CBX7: variants seen among roughly 807,000 people sequenced by gnomAD.
The protein encoded by CBX7 is chromobox protein homolog 7.
Under a neutral mutation model 31.4 loss-of-function variants are expected in CBX7, and 14 were observed. The observed-to-expected ratio is 0.45, with a 90% CI of 0.29 to 0.70. CBX7 has a LOEUF of 0.70. CBX7 is among the 30% of genes least tolerant of loss of function. The pLI is 0.11. For synonymous variants in CBX7, 159 were observed against 152.6 expected (o/e 1.04, Z -0.31); for missense variants, 269 against 351.9 (o/e 0.76, Z 1.89).
Position 39,133,546 on chromosome 22 carries a change from A to G in CBX7, c.*345T>C. Reference sequence around the variant, plus strand: ...AGGCTGGGGTGGCCACTCAAGGGAGAGGGTTTGGGCCTTCCAATGCTCCTT... The same window carrying G: ...AGGCTGGGGTGGCCACTCAAGGGAGGGGGTTTGGGCCTTCCAATGCTCCTT... On this transcript the variant is annotated 3_prime_UTR_variant, in exon 6 of 6. Coordinates refer to ENST00000216133, the MANE Select transcript of CBX7 (RefSeq NM_175709.5). 5.5e-6 allele frequency: 1 copy of G among 181,484 alleles called. No homozygotes were observed. Among genetic ancestry groups the G allele is most frequent in the Non-Finnish European group, 1.1e-5 (1 of 87,622 alleles). The allele number at this position is 181,484 out of a possible 1,614,324, so 11.2% of individuals were successfully genotyped here.
chr22:39,137,265 G>A (rs1289000005), intron 4 of CBX7, among the ~76,000 whole-genome samples: 2 of 143,678 alleles, frequency 1.4e-5, no homozygotes, highest in African/African-American at 2.6e-5. Flanking sequence ...CTGCTCCAAT[G>A]AACACTTCCT....
At chr22:39,141,289 C>T (rs1930446029) in intron 3 of CBX7, 82 bp downstream of exon 3, 1 of 1,293,146 alleles carries the variant, frequency 7.7e-7, no homozygotes, top group East Asian at 2.4e-5. Flanking sequence ...GCCCCAACAA[C>T]CCCTGCCAAG....
intron 2 of CBX7, among the ~76,000 whole-genome samples, chr22:39,144,191 AACAC>A (rs1432113968): frequency 1.3e-5 from 2 of 152,154 alleles, no homozygotes; most frequent in African/African-American, 4.8e-5. Context: ...TGCTTCCTCT[AACAC>A]TCTGGCACAC....
At chr22:39,137,497 C>T (rs531333250) in intron 4 of CBX7, among the ~76,000 whole-genome samples, 2 of 152,130 alleles carry the variant, frequency 1.3e-5, no homozygotes, top group East Asian at 3.9e-4. Flanking sequence ...TACAGGTGCC[C>T]GCCACCATCC....
rs139502152 is a variant in CBX7, at chr22:39,149,878, T to G, written c.70-46A>C. 2.6e-6 allele frequency: 4 copies of G among 1,538,282 alleles called. No individual in the cohort carries two copies. The Admixed American group carries it at 6.7e-5, about 26-fold the overall frequency. The stretch of plus-strand genomic sequence containing the variant: ...ACACAGTGAGTCTCGTGGTTGCCCC[T>G]ACAGCCACTCGGAAGGACAGTTAAG... On this transcript the variant is annotated intron_variant, in intron 1 of 5. Coordinates refer to ENST00000216133, the MANE Select transcript of CBX7 (RefSeq NM_175709.5).
At chr22:39,144,675 T>C (rs1405132837) in intron 2 of CBX7, among the ~76,000 whole-genome samples, 1 of 152,202 alleles carries the variant, frequency 6.6e-6, no homozygotes, top group African/African-American at 2.4e-5. Flanking sequence ...AATTTCGTGC[T>C]CCTCTCTCCA....
intron 2 of CBX7, among the ~76,000 whole-genome samples, chr22:39,144,501 A>T (rs758224603): frequency 6.6e-6 from 1 of 152,194 alleles, no homozygotes; most frequent in Non-Finnish European, 1.5e-5. Flanking sequence ...GCCACCGCAA[A>T]GTGGCCCGCT....
intron 2 of CBX7, chr22:39,147,570 C>T (rs991041097): frequency 7.1e-6 from 1 of 140,400 alleles, no homozygotes; most frequent in African/African-American, 2.6e-5. Flanking sequence ...CAAGCAGGGC[C>T]CCCGAGGAGG....
At chr22:39,139,702 C>CAAAAA (rs67244690) in intron 3 of CBX7, among the ~76,000 whole-genome samples, 20 of 31,736 alleles carry the variant, frequency 6.3e-4, no homozygotes, top group African/African-American at 1.5e-3. Context: ...GACTCCATCT[C>CAAAAA]AAAAAAAAAA....
At chr22:39,144,233 C>G (rs1435680272) in intron 2 of CBX7, among the ~76,000 whole-genome samples, 1 of 152,206 alleles carries the variant, frequency 6.6e-6, no homozygotes, top group Non-Finnish European at 1.5e-5. Context: ...TCTATGGGCT[C>G]GCAGTGAAGC....
At chr22:39,146,789 C>T (rs551253293) in intron 2 of CBX7, among the ~76,000 whole-genome samples, 3 of 152,312 alleles carry the variant, frequency 2.0e-5, no homozygotes, top group Admixed American at 6.5e-5. Flanking sequence ...CTCCATAGGG[C>T]CACTCCTTCC....
intron 3 of CBX7, chr22:39,141,146 G>T (rs960991898): frequency 5.8e-6 from 3 of 516,950 alleles, no homozygotes; most frequent in African/African-American, 4.0e-5. Flanking sequence ...GCCCGGGTGG[G>T]TAAAGGAAGT....
chr22:39,149,969 C>G, intron 1 of CBX7, 137 bp from the exon 2 acceptor site: 1 of 723,144 alleles, frequency 1.4e-6, no homozygotes, highest in Non-Finnish European at 2.5e-6. Flanking sequence ...CAAACACAAT[C>G]CGGGGACTGT....
chr22:39,148,209 G>C (rs1177259160), intron 2 of CBX7: 2 of 152,302 alleles, frequency 1.3e-5, no homozygotes, highest in Non-Finnish European at 2.9e-5. Flanking sequence ...CCCCAGGCTA[G>C]GGGCACAGCG....
intron 4 of CBX7, chr22:39,135,351 G>A (rs919388799): frequency 7.9e-5 from 12 of 152,444 alleles, no homozygotes; most frequent in African/African-American, 1.7e-4. Flanking sequence ...CTGATTGCCC[G>A]CGACACATCT....
chr22:39,142,805 G>A (rs1402802148), intron 2 of CBX7, among the ~76,000 whole-genome samples: 1 of 151,994 alleles, frequency 6.6e-6, no homozygotes, highest in Non-Finnish European at 1.5e-5. Context: ...GTGACGGCCT[G>A]CGCATGTAAT....
chr22:39,133,961 G>C lies in CBX7; in HGVS notation c.686C>G (p.Ser229Cys). 1.2e-6 allele frequency: 2 copies of C among 1,614,022 alleles called. No individual in the cohort carries two copies. The highest frequency in any genetic ancestry group is 1.7e-6 in the Non-Finnish European group (2 of 1,179,932). ...GGCCTCGCGGAAGGTGACGGTGATG[G>C]AGTTGGCGGTGATGTCGGTCACGGT... is the stretch of plus-strand genomic sequence containing the variant. ...EVTVTDITAN[S>C]ITVTFREAQA... The change falls in exon 6 of 6, where the codon TCC becomes TGC. Residue 229 changes from serine to cysteine, a missense_variant. Around this residue, in one of 2 missense-constraint regions of CBX7, gnomAD observed 222 missense variants for 240.4 expected, o/e 0.92. Transcript: ENST00000216133.
At position 39,132,366 on chromosome 22, in the gene CBX7, T is replaced by A. The variant is rs1930074242; in HGVS notation, c.*1525A>T. 6.6e-6 allele frequency: 1 copy of A among 152,306 alleles called. No individual in the cohort carries two copies. The highest frequency in any genetic ancestry group is 2.4e-5 in the African/African-American group (1 of 41,440). The allele number at this position is 152,306 out of a possible 1,614,324, so 9.4% of individuals were successfully genotyped here. On this transcript the variant is annotated 3_prime_UTR_variant, in exon 6 of 6. Transcript: ENST00000216133. Reference sequence around the variant, plus strand: ...GCCGCACTCCACTCTTGGTGTGTGTTACCCTGACTCTGACAGCCAAGGAAA... The same window carrying A: ...GCCGCACTCCACTCTTGGTGTGTGTAACCCTGACTCTGACAGCCAAGGAAA...
At chr22:39,144,146 CA>C (rs1197687568) in intron 2 of CBX7, among the ~76,000 whole-genome samples, 6 of 152,174 alleles carry the variant, frequency 3.9e-5, no homozygotes, top group Admixed American at 2.6e-4. Context: ...AGTTCAGTCC[CA>C]AAATGCTGCC....
Sources: gnomAD v4.1 joint callset for allele counts (sites outside exome capture counted in the v4.1 genomes callset) on GRCh38, gnomAD v4.1.1 for gene constraint, gnomAD v4.1.1 regional missense constraint, MANE v1.5 for transcripts, NCBI Gene and HGNC (gene_info 2026-07-23, HGNC 2026-07-21) for gene names.